The following TMEM245 variants were observed in gnomAD, a reference collection of about 807,000 sequenced individuals.
TMEM245 encodes transmembrane protein 245, also known as protein CG-2.
TMEM245 carries 69 observed loss-of-function variants against 101.2 expected under a neutral mutation model. The observed-to-expected ratio is 0.68, with a 90% confidence interval of 0.56 to 0.83. The LOEUF (loss-of-function observed/expected upper bound fraction) is 0.83. Among genes scored for constraint, TMEM245 ranks in the 40% least tolerant of loss-of-function variants. The pLI is 0.00. For missense variants in TMEM245, 1,075 were observed against 1,092.8 expected (o/e 0.98, Z 0.23); for synonymous variants, 537 against 449.8 (o/e 1.19, Z -2.45).
chr9:109,043,476 T>C (rs1828379221), intron 14 of TMEM245, among the ~76,000 whole-genome samples: 1 of 152,204 alleles, frequency 6.6e-6, no homozygotes, highest in Non-Finnish European at 1.5e-5. Context: ...TTCCTCCACC[T>C]TTATGTCTCA....
intron 17 of TMEM245, among the ~76,000 whole-genome samples, chr9:109,021,552 T>C (rs1827624006): frequency 6.6e-6 from 1 of 152,240 alleles, no homozygotes; most frequent in Non-Finnish European, 1.5e-5. Context: ...TCTCACTCTG[T>C]TGCCCAGGCT....
At chr9:109,053,782 G>A (rs543967899) in intron 12 of TMEM245, among the ~76,000 whole-genome samples, 2 of 152,246 alleles carry the variant, frequency 1.3e-5, no homozygotes, top group Admixed American at 1.3e-4. Flanking sequence ...AGATTCAAAC[G>A]CAACAGTTTA....
intron 4 of TMEM245, among the ~76,000 whole-genome samples, chr9:109,092,720 G>A (rs1303711357): frequency 2.0e-5 from 3 of 152,068 alleles, no homozygotes; most frequent in Non-Finnish European, 2.9e-5. Flanking sequence ...AATACCTCTG[G>A]CACTAATGGA....
chr9:109,045,142 T>C (rs1396331392), intron 14 of TMEM245, among the ~76,000 whole-genome samples: 1 of 152,252 alleles, frequency 6.6e-6, no homozygotes, highest in Non-Finnish European at 1.5e-5. Flanking sequence ...ACAGTCATTC[T>C]ACAGTGCTGT....
At position 109,085,982 on chromosome 9, in the gene TMEM245, T is replaced by C; in HGVS notation, c.1344+15A>G. 1 of 1,613,786 alleles carries C rather than the reference T, an allele frequency of 6.2e-7. No homozygotes were observed. Among genetic ancestry groups the C allele is most frequent in the Non-Finnish European group, 8.5e-7 (1 of 1,179,702 alleles). On this transcript the variant is annotated intron_variant, in intron 7 of 17. Coordinates refer to ENST00000374586, the MANE Select transcript of TMEM245 (RefSeq NM_032012.4). ...GAATTCAATAGTAAAAACCAACATC[T>C]GGGTGTTCATTTACCTTCTTATTTA...
intron 11 of TMEM245, among the ~76,000 whole-genome samples, chr9:109,057,741 ACT>A (rs758456502): frequency 3.0e-4 from 46 of 151,856 alleles, no homozygotes; most frequent in Non-Finnish European, 6.0e-4. Flanking sequence ...ACAGAGCAAG[ACT>A]CTGTCTAAAA....
chr9:109,043,276 C>T (rs1260094809), intron 14 of TMEM245, among the ~76,000 whole-genome samples: 1 of 152,166 alleles, frequency 6.6e-6, no homozygotes, highest in Non-Finnish European at 1.5e-5. Flanking sequence ...GCAAACATCA[C>T]GATAGACGTG....
intron 17 of TMEM245, among the ~76,000 whole-genome samples, chr9:109,025,310 G>A (rs565179578): frequency 9.2e-5 from 14 of 152,256 alleles, no homozygotes; most frequent in African/African-American, 3.1e-4. Context: ...GGACTCAAAC[G>A]ATCGCCTGCC....
At chr9:109,093,697 TACTG>T (rs1268035689) in intron 3 of TMEM245, 106 bp from the exon 4 acceptor site, 1 of 888,792 alleles carries the variant, frequency 1.1e-6, no homozygotes, top group Admixed American at 2.0e-5. Flanking sequence ...AAATGGTTAC[TACTG>T]ACCCACTGAA....
At chr9:109,104,867 C>T (rs1375354723) in intron 3 of TMEM245, among the ~76,000 whole-genome samples, 5 of 152,166 alleles carry the variant, frequency 3.3e-5, no homozygotes, top group East Asian at 3.9e-4. Context: ...TATTTCAAAA[C>T]GGATCAATGA....
intron 9 of TMEM245, 63 bp downstream of exon 9, chr9:109,073,293 C>A: frequency 8.0e-7 from 1 of 1,242,882 alleles, no homozygotes. Flanking sequence ...AAGGTCATTT[C>A]GTGCAAACAG....
chr9:109,075,850 T>C (rs1829483225), intron 8 of TMEM245, among the ~76,000 whole-genome samples: 1 of 152,242 alleles, frequency 6.6e-6, no homozygotes, highest in African/African-American at 2.4e-5. Context: ...TTCCTTGATT[T>C]GCACCTGATC....
chr9:109,100,925 A>C (rs1355514894), intron 3 of TMEM245, among the ~76,000 whole-genome samples: 1 of 152,162 alleles, frequency 6.6e-6, no homozygotes, highest in Non-Finnish European at 1.5e-5. Context: ...TCTCAGGTCT[A>C]AGAGAAAACC....
intron 8 of TMEM245, among the ~76,000 whole-genome samples, chr9:109,076,922 G>C (rs1829526469): frequency 6.6e-6 from 1 of 152,024 alleles, no homozygotes; most frequent in Non-Finnish European, 1.5e-5. Context: ...TCAAACTCCT[G>C]GGCTCAAGCA....
At position 109,093,586 on chromosome 9, in the gene TMEM245, C is replaced by G; in HGVS notation, c.805G>C (p.Glu269Gln). 1.2e-6 allele frequency: 2 copies of G among 1,613,440 alleles called. No individual in the cohort carries two copies. The highest frequency in any genetic ancestry group is 1.7e-6 in the Non-Finnish European group (2 of 1,179,784). Residue 269 changes from glutamate (E) to glutamine (Q), a missense_variant, in exon 4 of 18, where the codon GAG (glutamate) becomes CAG (glutamine). By Grantham distance (29) the Glu-to-Gln change is conservative. Around this residue, in one of 2 missense-constraint regions of TMEM245, gnomAD observed 808 missense variants for 741.5 expected, o/e 1.09. Transcript: ENST00000374586. ...ATGGAGATAACCTGCCCTGGTAACT[C>G]TGCCCCTGTAAAAGAAGCATCCATT... ...KQNGKESSGAELPGQVISMAA... is the reference protein window; with the variant it reads ...KQNGKESSGAQLPGQVISMAA...
intron 8 of TMEM245, among the ~76,000 whole-genome samples, chr9:109,075,821 T>C (rs1829482373): frequency 6.6e-6 from 1 of 152,236 alleles, no homozygotes; most frequent in Non-Finnish European, 1.5e-5. Flanking sequence ...GTTTTCACTA[T>C]TGTTTCTCCT....
chr9:109,040,577 C>A (rs893374213), intron 14 of TMEM245, among the ~76,000 whole-genome samples: 1 of 152,148 alleles, frequency 6.6e-6, no homozygotes, highest in African/African-American at 2.4e-5. Flanking sequence ...TTCACGTAAA[C>A]ACAACCATAC....
chr9:109,080,774 T>G (rs1266341868), intron 8 of TMEM245, 65 bp downstream of exon 8: 1 of 1,031,212 alleles, frequency 9.7e-7, no homozygotes, highest in South Asian at 1.5e-5. Flanking sequence ...TGCTAGCTTT[T>G]AATCCAGACT....
In TMEM245 at chr9:109,077,085, TATATA is replaced by T. The variant is rs558130038; in HGVS notation, c.1450-3652_1450-3648del. ...ATATAATTTTTGTTATAATATTATA[TATATA>T]ATATAAAAGAATATAATTGTTAATT... On this transcript the variant is annotated intron_variant, in intron 8 of 17. Coordinates refer to ENST00000374586, the MANE Select transcript of TMEM245 (RefSeq NM_032012.4). 2.2e-3 allele frequency among the ~76,000 whole-genome samples: 325 copies of T among 151,122 alleles called. 3 individuals are homozygous for T. The highest frequency in any genetic ancestry group is 6.7e-3 in the African/African-American group (279 of 41,354).
Sources: allele counts gnomAD v4.1 joint callset (sites outside exome capture counted in the v4.1 genomes callset), GRCh38; gene constraint gnomAD v4.1.1; regional missense constraint gnomAD v4.1.1; transcripts MANE v1.5; gene names NCBI Gene and HGNC (gene_info 2026-07-23, HGNC 2026-07-21).